Variants in SHOC1 observed in about 807,000 individuals in gnomAD.
SHOC1 encodes the protein shortage in chiasmata 1.
A neutral mutation model predicts 179.2 loss-of-function variants in SHOC1; 136 were observed. The observed-to-expected ratio is 0.76, with a 90% confidence interval of 0.66 to 0.87. The LOEUF (loss-of-function observed/expected upper bound fraction) is 0.87, where lower values mean the gene tolerates loss of function less well. SHOC1 is among the 40% of genes least tolerant of loss of function. The pLI is 0.00. For synonymous variants in SHOC1, 489 were observed against 586.6 expected (o/e 0.83, Z 2.41); for missense variants, 1,538 against 1,700.8 (o/e 0.90, Z 1.68).
chr9:111,705,357 G>C lies in SHOC1; in HGVS notation c.2745C>G (p.Thr915=). Residue 915 remains threonine (T), a synonymous_variant, in exon 21 of 28, where the codon ACC becomes ACG. Coordinates refer to ENST00000682961, the MANE Select transcript of SHOC1 (RefSeq NM_001378211.1). ...GAAAACCTCCAAATCTATCCAGCAA[G>C]GTGCTTCCTAAATAAGAGAAAATTT... is the stretch of plus-strand genomic sequence containing the variant. The part of the protein sequence containing the change: ...ILPDTVLERS[T]LLDRFGGFLL... 1 of 1,492,988 alleles carries C rather than the reference G, an allele frequency of 6.7e-7. No individual in the cohort carries two copies. Among genetic ancestry groups the C allele is most frequent in the Non-Finnish European group, 9.0e-7 (1 of 1,116,152 alleles). The allele number at this position is 1,492,988 out of a possible 1,614,324, so 92.5% of individuals were successfully genotyped here.
intron 7 of SHOC1, among the ~76,000 whole-genome samples, chr9:111,757,495 C>G (rs1013136481): frequency 6.6e-6 from 1 of 152,134 alleles, no homozygotes; most frequent in Admixed American, 6.5e-5. Context: ...TTATTGCAAT[C>G]GCAATAGCTA....
Position 111,700,047 on chromosome 9 carries a change from C to A in SHOC1, c.3090G>T (p.Glu1030Asp). 6.8e-7 allele frequency: 1 copy of A among 1,472,738 alleles called. No individual in the cohort carries two copies. Among genetic ancestry groups the A allele is most frequent in the Non-Finnish European group, 9.4e-7 (1 of 1,062,462 alleles). 91.2% of individuals were successfully genotyped at this position (1,472,738 alleles called of 1,614,324 possible). ...ILYTKETLNS[E>D]YLLTEKTLHH... ...GAAGTGTCTTTTCTGTAAGCAGATA[C>A]CTACAAAGAATTATATTACTATATT... The change falls in exon 24 of 28, where the codon GAG (glutamate) becomes GAT (aspartate). Residue 1030 changes from glutamate (E) to aspartate (D), a missense_variant and splice_region_variant. By Grantham distance (45) the Glu-to-Asp change is conservative (BLOSUM62 2). Transcript: ENST00000682961.
At chr9:111,738,623 A>G (rs768269776) in intron 11 of SHOC1, 101 bp from the exon 12 acceptor site, 143 of 1,046,890 alleles carry the variant, frequency 1.4e-4, no homozygotes, top group Non-Finnish European at 1.8e-4. Flanking sequence ...TATGAAATGC[A>G]TTTTTATGCA....
Position 111,727,772 on chromosome 9 carries a change from T to G in SHOC1, c.1695A>C (p.Ser565=). 6.2e-7 allele frequency: 1 copy of G among 1,613,536 alleles called. No homozygotes were observed. The highest frequency in any genetic ancestry group is 8.5e-7 in the Non-Finnish European group (1 of 1,179,692). The stretch of plus-strand genomic sequence containing the variant: ...GTTCAAAAGATGCTTTTTTAATTAT[T>G]GAAGAGGAAGGTGATTTAATAGATG... The part of the protein sequence containing the change: ...TGPSIKSPSS[S]IIKKASFEHG... Residue 565 remains serine (S), a synonymous_variant, in exon 13 of 28, where the codon TCA becomes TCC. Coordinates refer to ENST00000682961, the MANE Select transcript of SHOC1 (RefSeq NM_001378211.1).
At chr9:111,692,809 C>T (rs1169512943) in intron 26 of SHOC1, among the ~76,000 whole-genome samples, 1 of 152,084 alleles carries the variant, frequency 6.6e-6, no homozygotes, top group East Asian at 1.9e-4. Flanking sequence ...AATACTATTT[C>T]CTTGATAAGA....
At chr9:111,753,028 C>T (rs1353550366) in intron 8 of SHOC1, among the ~76,000 whole-genome samples, 1 of 152,086 alleles carries the variant, frequency 6.6e-6, no homozygotes, top group African/African-American at 2.4e-5. Flanking sequence ...GCCTGAGCAA[C>T]ATAGTGAGAC....
At chr9:111,689,843 C>A (rs1001736474) in intron 27 of SHOC1, among the ~76,000 whole-genome samples, 2 of 152,010 alleles carry the variant, frequency 1.3e-5, no homozygotes, top group African/African-American at 4.8e-5. Context: ...AAGCTTTAAG[C>A]TTTTTCTAAC....
chr9:111,786,057 G>A, intron 2 of SHOC1, 22 bp from the exon 3 acceptor site: 1 of 1,441,904 alleles, frequency 6.9e-7, no homozygotes, highest in South Asian at 1.5e-5. Flanking sequence ...AGAAAGATTA[G>A]AAAATCTTTT....
intron 2 of SHOC1, among the ~76,000 whole-genome samples, chr9:111,790,571 G>A (rs1018289209): frequency 6.6e-6 from 1 of 151,872 alleles, no homozygotes; most frequent in East Asian, 1.9e-4. Context: ...TTGAGACGGA[G>A]TCTCACTCTG....
chr9:111,706,518 A>C (rs1832280898), intron 20 of SHOC1, 50 bp downstream of exon 20: 1 of 1,356,406 alleles, frequency 7.4e-7, no homozygotes, highest in South Asian at 1.7e-5. Context: ...AAAAAATAGA[A>C]AATTTTCATT....
rs922941592 is a variant in SHOC1 at position 111,754,703 on chromosome 9, ATATC to A, written c.862+1618_862+1621del. Among the ~76,000 whole-genome samples the A allele has an allele frequency of 3.3e-5, 5 of 151,882 alleles. No individual in the cohort carries two copies. In the East Asian group the frequency reaches 5.8e-4, roughly 18 times the overall value. ...CTTTTAAGTTAAAAGGACAGCCCAA[ATATC>A]TATCAACAGATGTACAGATAGACAA... is the stretch of plus-strand genomic sequence containing the variant. On this transcript the variant is annotated intron_variant, in intron 8 of 27. Coordinates refer to ENST00000682961, the MANE Select transcript of SHOC1 (RefSeq NM_001378211.1).
rs1298200107 is a variant in SHOC1, at chr9:111,746,224, C to T, written c.1079+10G>A. 1 of 1,523,828 alleles carries T rather than the reference C, an allele frequency of 6.6e-7. No individual in the cohort carries two copies. Among genetic ancestry groups the T allele is most frequent in the South Asian group, 1.1e-5 (1 of 89,072 alleles). The allele number at this position is 1,523,828 out of a possible 1,614,324, so 94.4% of individuals were successfully genotyped here. A position where few individuals can be genotyped will look rare whatever the true frequency, so the allele number is the denominator to read the frequency against. On this transcript the variant is annotated intron_variant, in intron 10 of 27. Coordinates refer to ENST00000682961, the MANE Select transcript of SHOC1 (RefSeq NM_001378211.1). ...TTGCAACATGGGTTCTAGATATAATCTTTACTTACATTTTACAAACCGGAG... is the reference window on the plus strand; with the variant it reads ...TTGCAACATGGGTTCTAGATATAATTTTTACTTACATTTTACAAACCGGAG...
intron 3 of SHOC1, chr9:111,783,561 T>C (rs1457636740): frequency 6.6e-6 from 1 of 152,220 alleles, no homozygotes. Flanking sequence ...TACATCAGAC[T>C]TTTAACTGTT....
At chr9:111,712,082 T>C (rs1222364712) in intron 18 of SHOC1, among the ~76,000 whole-genome samples, 1 of 152,192 alleles carries the variant, frequency 6.6e-6, no homozygotes, top group East Asian at 1.9e-4. Flanking sequence ...CAAAGAGCAA[T>C]GTATCAGAAT....
chr9:111,701,990 A>T lies in SHOC1; in HGVS notation c.3089+115T>A, dbSNP rs1436406949. The T allele has an allele frequency of 4.2e-6, 3 of 722,304 alleles. No individual in the cohort carries two copies. In the East Asian group the frequency reaches 9.2e-5, roughly 22 times the overall value. 44.7% of individuals were successfully genotyped at this position (722,304 alleles called of 1,614,324 possible). ...CATACCTCCAGCTTGAAAATCCTTG[A>T]CTTAAAGCAAACTAGATGAGCATGC... On this transcript the variant is annotated intron_variant, in intron 23 of 27. Transcript: ENST00000682961.
In SHOC1 at chr9:111,722,527, G is replaced by GT; in HGVS notation, c.2012dup (p.Asn671LysfsTer12). ...TAGGGAGGGTACACAAGGATACAAG[G>GT]TTTTTTAAGATAGGAGAAGCTGCTG... On this transcript the variant is annotated frameshift_variant, in exon 15 of 28. Coordinates refer to ENST00000682961, the MANE Select transcript of SHOC1 (RefSeq NM_001378211.1). LOFTEE classifies it high-confidence loss of function. 6.2e-7 allele frequency: 1 copy of GT among 1,609,698 alleles called. No homozygotes were observed. Among genetic ancestry groups the GT allele is most frequent in the Non-Finnish European group, 8.5e-7 (1 of 1,179,138 alleles).
Position 111,703,924 on chromosome 9 carries a change from TA to T in SHOC1, c.2923del (p.Tyr975MetfsTer2). On this transcript the variant is annotated frameshift_variant, in exon 22 of 28. Coordinates refer to ENST00000682961, the MANE Select transcript of SHOC1 (RefSeq NM_001378211.1). LOFTEE classifies it high-confidence loss of function. The part of the protein sequence containing the change: ...SLKLFGSSEC[Y>X]VVVTIDEHTA... ...GTGTTCATCAATTGTCACCACTACA[TA>T]ACACTCTGAACTTCCAAAGAGTTTC... 6.2e-7 allele frequency: 1 copy of T among 1,610,436 alleles called. No homozygotes were observed. The highest frequency in any genetic ancestry group is 8.5e-7 in the Non-Finnish European group (1 of 1,178,312).
At chr9:111,790,712 A>AT (rs1219239249) in intron 2 of SHOC1, among the ~76,000 whole-genome samples, 7 of 151,826 alleles carry the variant, frequency 4.6e-5, no homozygotes, top group Non-Finnish European at 7.4e-5. Context: ...TGCCCGGCTA[A>AT]TTTTTTTGTA....
chr9:111,727,486 T>C, intron 13 of SHOC1, 147 bp downstream of exon 13: 1 of 650,112 alleles, frequency 1.5e-6, no homozygotes, highest in Non-Finnish European at 2.4e-6. Context: ...AACAAGAAGT[T>C]ATCAAGAATC....
Sources: gnomAD v4.1 joint callset for allele counts (sites outside exome capture counted in the v4.1 genomes callset) on GRCh38, gnomAD v4.1.1 for gene constraint, MANE v1.5 for transcripts, NCBI Gene and HGNC (gene_info 2026-07-23, HGNC 2026-07-21) for gene names.